The following EML5 variants were observed in gnomAD, a reference collection of about 807,000 sequenced individuals.
The protein encoded by EML5 is EMAP like 5, also known as echinoderm microtubule-associated protein-like 5.
EML5 carries 120 observed loss-of-function variants against 250.0 expected under a neutral mutation model. The observed-to-expected ratio is 0.48, with a 90% confidence interval of 0.41 to 0.56. The LOEUF (loss-of-function observed/expected upper bound fraction) is 0.56, where lower values mean the gene tolerates loss of function less well. Among genes scored for constraint, EML5 ranks in the 20% least tolerant of loss-of-function variants. The pLI, the probability that EML5 is intolerant of heterozygous loss-of-function variation, is 0.00. For missense variants in EML5, 2,006 were observed against 2,437.6 expected (o/e 0.82, Z 3.73); for synonymous variants, 771 against 806.5 (o/e 0.96, Z 0.75).
chr14:88,728,979 T>A (rs1383880064), intron 7 of EML5, among the ~76,000 whole-genome samples: 1 of 152,148 alleles, frequency 6.6e-6, no homozygotes, highest in East Asian at 1.9e-4. Context: ...GTTACTAGTT[T>A]ATAGGAAAAA....
intron 10 of EML5, among the ~76,000 whole-genome samples, chr14:88,710,116 G>C (rs2093379921): frequency 6.6e-6 from 1 of 152,128 alleles, no homozygotes; most frequent in African/African-American, 2.4e-5. Context: ...CCCCTATGCT[G>C]CTGCCTAGGA....
In EML5 at chr14:88,740,325, T is replaced by A. The variant is rs1398796031; in HGVS notation, c.711+62A>T. The A allele has an allele frequency of 5.7e-6, 8 of 1,400,950 alleles. 1 individual carries two copies. The highest frequency in any genetic ancestry group is 4.3e-5 in the African/African-American group (3 of 70,148). The allele number at this position is 1,400,950 out of a possible 1,614,324, so 86.8% of individuals were successfully genotyped here. A position where few individuals can be genotyped will look rare whatever the true frequency, so the allele number is the denominator to read the frequency against. Reference sequence around the variant, plus strand: ...ACAATATACTATATTACGCAGTCTATCATTCTAAGACAAGGTTAAGTAATA... The same window carrying A: ...ACAATATACTATATTACGCAGTCTAACATTCTAAGACAAGGTTAAGTAATA... On this transcript the variant is annotated intron_variant, in intron 5 of 43. Coordinates refer to ENST00000554922, the MANE Select transcript of EML5 (RefSeq NM_183387.3).
chr14:88,738,836 G>A (rs1251846639), intron 6 of EML5, 43 bp downstream of exon 6: 1 of 1,532,728 alleles, frequency 6.5e-7, no homozygotes, highest in South Asian at 1.3e-5. Context: ...TCTTTGGGAA[G>A]TTTAGAGTTT....
intron 35 of EML5, chr14:88,626,001 T>G (rs1235915171): frequency 6.6e-6 from 1 of 152,184 alleles, no homozygotes; most frequent in Non-Finnish European, 1.5e-5. Flanking sequence ...AGAGCAGGTC[T>G]CCTGAACACC....
In EML5 at chr14:88,622,714, T is replaced by G. The variant is rs760450441; in HGVS notation, c.4903A>C (p.Lys1635Gln). ...CACAGTTTAACCGCTCCTCCTTCTT[T>G]TGACCTAAGTAAATAACCAAGCCAG... The part of the protein sequence containing the change: ...IVTGGKERPS[K>Q]EGGAVKLWDQ... Residue 1635 changes from lysine to glutamine, a missense_variant, in exon 37 of 44, where the codon AAA (lysine) becomes CAA (glutamine). Coordinates refer to ENST00000554922, the MANE Select transcript of EML5 (RefSeq NM_183387.3). 2.1e-5 allele frequency: 33 copies of G among 1,602,382 alleles called. No individual in the cohort carries two copies. The highest frequency in any genetic ancestry group is 2.7e-5 in the Non-Finnish European group (32 of 1,174,348).
chr14:88,727,780 A>T (rs935024701), intron 7 of EML5, among the ~76,000 whole-genome samples: 1 of 152,134 alleles, frequency 6.6e-6, no homozygotes, highest in African/African-American at 2.4e-5. Context: ...AAAGGGAGAG[A>T]GTGTGTGTGT....
At chr14:88,657,333 G>A (rs968987114) in intron 27 of EML5, 43 bp downstream of exon 27, 2 of 1,510,958 alleles carry the variant, frequency 1.3e-6, no homozygotes, top group African/African-American at 2.8e-5. Flanking sequence ...CATTTTTAAT[G>A]ACAATATCTT....
intron 33 of EML5, among the ~76,000 whole-genome samples, chr14:88,629,114 A>G (rs1339690278): frequency 6.6e-6 from 1 of 152,066 alleles, no homozygotes; most frequent in Non-Finnish European, 1.5e-5. Context: ...AGATCACTCT[A>G]TACATTTTGC....
intron 21 of EML5, among the ~76,000 whole-genome samples, chr14:88,677,823 T>C (rs886907678): frequency 6.6e-6 from 1 of 152,146 alleles, no homozygotes; most frequent in African/African-American, 2.4e-5. Context: ...TGTGGAGAAA[T>C]AGGAACACTT....
At chr14:88,789,144 G>A (rs1050395609) in intron 1 of EML5, among the ~76,000 whole-genome samples, 2 of 151,832 alleles carry the variant, frequency 1.3e-5, no homozygotes, top group African/African-American at 4.8e-5. Flanking sequence ...GTATAGATGT[G>A]CATCTTATGC....
intron 1 of EML5, among the ~76,000 whole-genome samples, chr14:88,763,915 T>C (rs1270557087): frequency 1.3e-5 from 2 of 152,234 alleles, no homozygotes; most frequent in African/African-American, 4.8e-5. Context: ...AGTGGACTTC[T>C]AGTCCTAGTT....
Position 88,618,208 on chromosome 14 carries a change from G to A in EML5, c.5642+20C>T, listed in dbSNP as rs780829670. On this transcript the variant is annotated intron_variant, in intron 41 of 43. Coordinates refer to ENST00000554922, the MANE Select transcript of EML5 (RefSeq NM_183387.3). ...GGCCTTCAAAGTCAGTTCTTGCCTT[G>A]TGAATATATAAGTATTTACCTAGTC... 6.2e-7 allele frequency: 1 copy of A among 1,603,732 alleles called. No individual in the cohort carries two copies. Among genetic ancestry groups the A allele is most frequent in the Non-Finnish European group, 8.5e-7 (1 of 1,171,614 alleles).
chr14:88,787,338 C>A (rs1454161348), intron 1 of EML5, among the ~76,000 whole-genome samples: 2 of 152,140 alleles, frequency 1.3e-5, no homozygotes, highest in African/African-American at 4.8e-5. Context: ...GATTCTTGCA[C>A]AAAACAGAAG....
chr14:88,720,516 A>C (rs1378664089), intron 8 of EML5, among the ~76,000 whole-genome samples: 1 of 152,134 alleles, frequency 6.6e-6, no homozygotes, highest in African/African-American at 2.4e-5. Context: ...ATAAGATCTA[A>C]AAACAAAGAC....
At chr14:88,715,553 T>A (rs2093477747) in intron 8 of EML5, among the ~76,000 whole-genome samples, 1 of 152,168 alleles carries the variant, frequency 6.6e-6, no homozygotes, top group Non-Finnish European at 1.5e-5. Context: ...AATGTTTAAT[T>A]TAAACACTAT....
intron 32 of EML5, among the ~76,000 whole-genome samples, chr14:88,637,070 C>CTGTTTTG (rs2090778350): frequency 6.6e-6 from 1 of 152,174 alleles, no homozygotes; most frequent in Non-Finnish European, 1.5e-5. Context: ...ATTGTAAATG[C>CTGTTTTG]TGTTTTGTGT....
chr14:88,643,556 G>A (rs1464305130), intron 30 of EML5, among the ~76,000 whole-genome samples: 1 of 152,100 alleles, frequency 6.6e-6, no homozygotes, highest in Non-Finnish European at 1.5e-5. Flanking sequence ...GAGCACCTGT[G>A]GATTTTGGCA....
chr14:88,647,757 A>G (rs2091428287), intron 28 of EML5, among the ~76,000 whole-genome samples: 1 of 152,032 alleles, frequency 6.6e-6, no homozygotes, highest in Non-Finnish European at 1.5e-5. Flanking sequence ...AAAGGTGAAA[A>G]AAGAAAAAAA....
At chr14:88,619,137 G>A (rs976920969) in intron 39 of EML5, 6 of 172,688 alleles carry the variant, frequency 3.5e-5, no homozygotes, top group South Asian at 1.6e-4. Context: ...AAGCGGAGGC[G>A]GGCAGATCAC....
Sources: allele counts gnomAD v4.1 joint callset (sites outside exome capture counted in the v4.1 genomes callset), GRCh38; gene constraint gnomAD v4.1.1; transcripts MANE v1.5; gene names NCBI Gene and HGNC (gene_info 2026-07-23, HGNC 2026-07-21).